The following HOXD12 variants were observed in gnomAD, a reference collection of about 807,000 sequenced individuals.
HOXD12 encodes the protein homeobox D12.
Under a neutral mutation model 20.2 loss-of-function variants are expected in HOXD12, and 21 were observed. The ratio of observed to expected loss-of-function variants is 1.04; its 90% CI spans 0.74 to 1.50. The LOEUF (loss-of-function observed/expected upper bound fraction) is 1.50. Among genes scored for constraint, HOXD12 ranks in the 40% most tolerant of loss-of-function variants. HOXD12 has a pLI of 0.00. For synonymous variants in HOXD12, 196 were observed against 168.8 expected (o/e 1.16, Z -1.25); for missense variants, 472 against 365.5 (o/e 1.29, Z -2.38).
Position 176,100,365 on chromosome 2 carries a change from A to C in HOXD12, c.564A>C (p.Ser188=). ...AAGVASCLRP[S]LPDGLPWGAA... ...GCGTTGCCTCTTGCCTGCGACCTTC[A>C]CTGCCCGACGGTAAACGGTGCCCAT... Residue 188 remains serine, a synonymous_variant, in exon 1 of 2, where the codon TCA becomes TCC. Coordinates refer to ENST00000406506, the MANE Select transcript of HOXD12 (RefSeq NM_021193.4). 6.2e-7 allele frequency: 1 copy of C among 1,612,440 alleles called. No individual in the cohort carries two copies. Among genetic ancestry groups the C allele is most frequent in the African/African-American group, 1.3e-5 (1 of 75,044 alleles).
At position 176,101,549 on chromosome 2, in the gene HOXD12, C is replaced by G. The variant is rs1031200756; in HGVS notation, c.*789C>G. ...CCAGACAAGACTGGCAAACATTGCC[C>G]TACTCCCACCTTCTCAAACATGCCT... is the stretch of plus-strand genomic sequence containing the variant. On this transcript the variant is annotated 3_prime_UTR_variant, in exon 2 of 2. Coordinates refer to ENST00000406506, the MANE Select transcript of HOXD12 (RefSeq NM_021193.4). Among the ~76,000 whole-genome samples the G allele has an allele frequency of 6.6e-6, 1 of 152,156 alleles. No individual in the cohort carries two copies. Among genetic ancestry groups the G allele is most frequent in the Non-Finnish European group, 1.5e-5 (1 of 68,018 alleles).
At position 176,101,083 on chromosome 2, in the gene HOXD12, A is replaced by C; in HGVS notation, c.*323A>C. On this transcript the variant is annotated 3_prime_UTR_variant, in exon 2 of 2. Coordinates refer to ENST00000406506, the MANE Select transcript of HOXD12 (RefSeq NM_021193.4). ...CTCATTCTTGCTCCCCGGTACCTGG[A>C]TTTTTCTGTTTCCACCCAATTCGTT... 2.2e-6 allele frequency: 1 copy of C among 444,722 alleles called. No homozygotes were observed. Among genetic ancestry groups the C allele is most frequent in the Non-Finnish European group, 4.0e-6 (1 of 247,892 alleles). The allele number at this position is 444,722 out of a possible 1,614,324, so 27.5% of individuals were successfully genotyped here. A position where few individuals can be genotyped will look rare whatever the true frequency, so the allele number is the denominator to read the frequency against.
At position 176,100,164 on chromosome 2, in the gene HOXD12, C is replaced by T. The variant is rs775760828; in HGVS notation, c.363C>T (p.Pro121=). 6.2e-7 allele frequency: 1 copy of T among 1,612,072 alleles called. No homozygotes were observed. Among genetic ancestry groups the T allele is most frequent in the Non-Finnish European group, 8.5e-7 (1 of 1,179,740 alleles). ...GTCGTACCCGGCCGTCCTTCGCCCC[C>T]GAGTCTAGCCTGGCTCCTGCAGTGG... The part of the protein sequence containing the change: ...ERGRTRPSFA[P]ESSLAPAVAA... Residue 121 remains proline (P), a synonymous_variant, in exon 1 of 2, where the codon CCC becomes CCT. Transcript: ENST00000406506.
chr2:176,099,821 A>G lies in HOXD12; in HGVS notation c.20A>G (p.Tyr7Cys), dbSNP rs758111112. MCERSL[Y>C]RAGYVGSLLN... is the part of the protein sequence containing the mutation. ...TTGGAGATGTGTGAGCGCAGTCTCTACAGAGCGGGCTATGTGGGCTCGCTT... is the reference window on the plus strand; with the variant it reads ...TTGGAGATGTGTGAGCGCAGTCTCTGCAGAGCGGGCTATGTGGGCTCGCTT... Residue 7 changes from tyrosine to cysteine, a missense_variant, in exon 1 of 2, where the codon TAC becomes TGC. By Grantham distance (194) the Tyr-to-Cys change is radical. Transcript: ENST00000406506. 3.3e-6 allele frequency: 5 copies of G among 1,525,390 alleles called. No homozygotes were observed. In the East Asian group the frequency reaches 9.8e-5, roughly 30 times the overall value. 94.5% of individuals were successfully genotyped at this position (1,525,390 alleles called of 1,614,324 possible). A position where few individuals can be genotyped will look rare whatever the true frequency, so the allele number is the denominator to read the frequency against.
In HOXD12 at chr2:176,100,817, G is replaced by A. The variant is rs527679989; in HGVS notation, c.*57G>A. 2.5e-6 allele frequency: 3 copies of A among 1,177,102 alleles called. No individual in the cohort carries two copies. The East Asian group carries it at 7.3e-5, about 29-fold the overall frequency. The allele number at this position is 1,177,102 out of a possible 1,614,324, so 72.9% of individuals were successfully genotyped here. ...GCCCTTTTGGACAGAGGCCTTGTTTGGGGAGGGGGATCTGGGGCTAAGGCT... is the reference window on the plus strand; with the variant it reads ...GCCCTTTTGGACAGAGGCCTTGTTTAGGGAGGGGGATCTGGGGCTAAGGCT... On this transcript the variant is annotated 3_prime_UTR_variant, in exon 2 of 2. Coordinates refer to ENST00000406506, the MANE Select transcript of HOXD12 (RefSeq NM_021193.4).
Position 176,100,055 on chromosome 2 carries a change from TG to T in HOXD12, c.255del (p.Gln86SerfsTer87). 1.3e-6 allele frequency: 2 copies of T among 1,586,140 alleles called. No homozygotes were observed. Among genetic ancestry groups the T allele is most frequent in the Admixed American group, 1.7e-5 (1 of 57,250 alleles). On this transcript the variant is annotated frameshift_variant, in exon 1 of 2. Transcript: ENST00000406506. LOFTEE classifies it high-confidence loss of function. Reference protein sequence around the residue: ...PYLAGSGPLGLQPPTAKDGPE... With the variant: ...PYLAGSGPLGXQPPTAKDGPE... ...CTGGCTGGCTCCGGGCCTCTCGGCCTGCAGCCCCCAACAGCCAAAGACGGAC... is the reference window on the plus strand; with the variant it reads ...CTGGCTGGCTCCGGGCCTCTCGGCCTCAGCCCCCAACAGCCAAAGACGGAC...
Position 176,102,195 on chromosome 2 carries a change from C to T in HOXD12, c.*1435C>T, listed in dbSNP as rs994779929. On this transcript the variant is annotated 3_prime_UTR_variant, in exon 2 of 2. Coordinates refer to ENST00000406506, the MANE Select transcript of HOXD12 (RefSeq NM_021193.4). ...CTTCTGACATGTAGCACTCCTCCTT[C>T]GCAATTCCTAGCATGATGCACAACA... Among the ~76,000 whole-genome samples, 3 of 152,310 alleles carry T rather than the reference C, an allele frequency of 2.0e-5. 1 individual carries two copies. The highest frequency in any genetic ancestry group is 3.9e-4 in the East Asian group (2 of 5,182).
rs754597040 is a variant in HOXD12, at chr2:176,100,674, G to T, written c.727G>T (p.Asp243Tyr). The change falls in exon 2 of 2, where the codon GAC becomes TAC. Residue 243 changes from aspartate (D) to tyrosine (Y), a missense_variant. Coordinates refer to ENST00000406506, the MANE Select transcript of HOXD12 (RefSeq NM_021193.4). The part of the protein sequence containing the change: ...KELSNRLNLS[D>Y]QQVKIWFQNR... The stretch of plus-strand genomic sequence containing the variant: ...ATTGTCCAATAGGCTGAACCTCAGC[G>T]ACCAGCAAGTCAAAATCTGGTTCCA... 12 of 1,613,862 alleles carry T rather than the reference G, an allele frequency of 7.4e-6. No individual in the cohort carries two copies. The African/African-American group carries it at 1.5e-4, about 20-fold the overall frequency.
In HOXD12 at chr2:176,100,162, C is replaced by G; in HGVS notation, c.361C>G (p.Pro121Ala). 4 of 1,612,184 alleles carry G rather than the reference C, an allele frequency of 2.5e-6. No individual in the cohort carries two copies. Among genetic ancestry groups the G allele is most frequent in the Non-Finnish European group, 3.4e-6 (4 of 1,179,752 alleles). ...ERGRTRPSFAPESSLAPAVAA... is the reference protein window; with the variant it reads ...ERGRTRPSFAAESSLAPAVAA... The stretch of plus-strand genomic sequence containing the variant: ...CGGTCGTACCCGGCCGTCCTTCGCC[C>G]CCGAGTCTAGCCTGGCTCCTGCAGT... Residue 121 changes from proline to alanine, a missense_variant, in exon 1 of 2, where the codon CCC becomes GCC. Coordinates refer to ENST00000406506, the MANE Select transcript of HOXD12 (RefSeq NM_021193.4).
At position 176,100,107 on chromosome 2, in the gene HOXD12, G is replaced by T. The variant is rs934219130; in HGVS notation, c.306G>T (p.Ala102=). 1.9e-6 allele frequency: 3 copies of T among 1,608,062 alleles called. No individual in the cohort carries two copies. Among genetic ancestry groups the T allele is most frequent in the Non-Finnish European group, 2.5e-6 (3 of 1,178,796 alleles). ...CCGAAGAGCAGGCTAAGTTCTATGC[G>T]CCCGAAGCGGCCGCTGGGCCAGAGG... ...DGPEEQAKFY[A]PEAAAGPEER... The change falls in exon 1 of 2, where the codon GCG becomes GCT. Residue 102 remains alanine (A), a synonymous_variant. Transcript: ENST00000406506.
At position 176,099,810 on chromosome 2, in the gene HOXD12, G is replaced by A; in HGVS notation, c.9G>A (p.Glu3=). MC[E]RSLYRAGYVG... is the part of the protein sequence containing the mutation. ...GAAGCCCTTTGTTGGAGATGTGTGAGCGCAGTCTCTACAGAGCGGGCTATG... is the reference window on the plus strand; with the variant it reads ...GAAGCCCTTTGTTGGAGATGTGTGAACGCAGTCTCTACAGAGCGGGCTATG... Residue 3 remains glutamate, a synonymous_variant, in exon 1 of 2, where the codon GAG becomes GAA. Transcript: ENST00000406506. 1 of 1,484,448 alleles carries A rather than the reference G, an allele frequency of 6.7e-7. No individual in the cohort carries two copies. The highest frequency in any genetic ancestry group is 8.9e-7 in the Non-Finnish European group (1 of 1,119,248). The allele number at this position is 1,484,448 out of a possible 1,614,324, so 92.0% of individuals were successfully genotyped here.
rs1689485402 is a variant in HOXD12, at chr2:176,100,843, A to T, written c.*83A>T. On this transcript the variant is annotated 3_prime_UTR_variant, in exon 2 of 2. Coordinates refer to ENST00000406506, the MANE Select transcript of HOXD12 (RefSeq NM_021193.4). ...GGGAGGGGGATCTGGGGCTAAGGCT[A>T]AGGCTTTTCCTTCGGTTCCTTCTCT... 1 of 938,922 alleles carries T rather than the reference A, an allele frequency of 1.1e-6. No homozygotes were observed. Among genetic ancestry groups the T allele is most frequent in the East Asian group, 2.6e-5 (1 of 38,352 alleles). The allele number at this position is 938,922 out of a possible 1,614,324, so 58.2% of individuals were successfully genotyped here.
In HOXD12 at chr2:176,100,124, G is replaced by T. The variant is rs1396044450; in HGVS notation, c.323G>T (p.Gly108Val). Reference sequence around the variant, plus strand: ...TTCTATGCGCCCGAAGCGGCCGCTGGGCCAGAGGAGCGCGGTCGTACCCGG... The same window carrying T: ...TTCTATGCGCCCGAAGCGGCCGCTGTGCCAGAGGAGCGCGGTCGTACCCGG... ...AKFYAPEAAA[G>V]PEERGRTRPS... Residue 108 changes from glycine (G) to valine (V), a missense_variant, in exon 1 of 2, where the codon GGG (glycine) becomes GTG (valine). Physicochemically the swap from Gly to Val is moderately radical, Grantham distance 109. Transcript: ENST00000406506. The T allele has an allele frequency of 1.2e-6, 2 of 1,610,206 alleles. No individual in the cohort carries two copies. The highest frequency in any genetic ancestry group is 1.3e-5 in the African/African-American group (1 of 74,914).
Position 176,101,070 on chromosome 2 carries a change from C to T in HOXD12, c.*310C>T. The stretch of plus-strand genomic sequence containing the variant: ...TTTGCACCCACCGCTCATTCTTGCT[C>T]CCCGGTACCTGGATTTTTCTGTTTC... On this transcript the variant is annotated 3_prime_UTR_variant, in exon 2 of 2. Transcript: ENST00000406506. 2.1e-6 allele frequency: 1 copy of T among 477,558 alleles called. No individual in the cohort carries two copies. The highest frequency in any genetic ancestry group is 3.7e-6 in the Non-Finnish European group (1 of 267,960). 29.6% of individuals were successfully genotyped at this position (477,558 alleles called of 1,614,324 possible).
rs1170899381 is a variant in HOXD12, at chr2:176,100,345, G to T, written c.544G>T (p.Ala182Ser). The change falls in exon 1 of 2, where the codon GCC (alanine) becomes TCC (serine). Residue 182 changes from alanine to serine, a missense_variant. Coordinates refer to ENST00000406506, the MANE Select transcript of HOXD12 (RefSeq NM_021193.4). The stretch of plus-strand genomic sequence containing the variant: ...CATGACAGTGCAGGCGGCGGGCGTT[G>T]CCTCTTGCCTGCGACCTTCACTGCC... ...LNMTVQAAGVASCLRPSLPDG... is the reference protein window; with the variant it reads ...LNMTVQAAGVSSCLRPSLPDG... 2 of 1,612,598 alleles carry T rather than the reference G, an allele frequency of 1.2e-6. No individual in the cohort carries two copies. Among genetic ancestry groups the T allele is most frequent in the Admixed American group, 3.3e-5 (2 of 60,014 alleles).
Position 176,100,331 on chromosome 2 carries a change from AGGCGGCG to A in HOXD12, c.535_541del (p.Ala179LeufsTer59). ...CCGCTCAACTTGAACATGACAGTGC[AGGCGGCG>A]GGCGTTGCCTCTTGCCTGCGACCTT... On this transcript the variant is annotated frameshift_variant, in exon 1 of 2. Coordinates refer to ENST00000406506, the MANE Select transcript of HOXD12 (RefSeq NM_021193.4). LOFTEE classifies it high-confidence loss of function. The A allele has an allele frequency of 6.2e-7, 1 of 1,612,696 alleles. No individual in the cohort carries two copies. Among genetic ancestry groups the A allele is most frequent in the East Asian group, 2.2e-5 (1 of 44,862 alleles).
Position 176,100,638 on chromosome 2 carries a change from A to C in HOXD12, c.691A>C (p.Lys231Gln). 6.2e-7 allele frequency: 1 copy of C among 1,613,840 alleles called. No homozygotes were observed. Among genetic ancestry groups the C allele is most frequent in the Non-Finnish European group, 8.5e-7 (1 of 1,179,802 alleles). ...FLVNEFINRQ[K>Q]RKELSNRLNL... The stretch of plus-strand genomic sequence containing the variant: ...CGTCAACGAATTCATCAACAGGCAG[A>C]AACGCAAGGAATTGTCCAATAGGCT... Residue 231 changes from lysine to glutamine, a missense_variant, in exon 2 of 2, where the codon AAA becomes CAA. Lys to Gln is a moderately conservative substitution (Grantham distance 53, BLOSUM62 1). Coordinates refer to ENST00000406506, the MANE Select transcript of HOXD12 (RefSeq NM_021193.4).
rs757796640 is a variant in HOXD12 at position 176,099,863 on chromosome 2, C to T, written c.62C>T (p.Pro21Leu). Reference sequence around the variant, plus strand: ...GGCTCGCTTCTGAATCTGCAGTCGCCAGACTCTTTCTACTTCTCCAACCTG... The same window carrying T: ...GGCTCGCTTCTGAATCTGCAGTCGCTAGACTCTTTCTACTTCTCCAACCTG... ...YVGSLLNLQS[P>L]DSFYFSNLRP... Residue 21 changes from proline to leucine, a missense_variant, in exon 1 of 2, where the codon CCA becomes CTA. Transcript: ENST00000406506. 4 of 1,583,192 alleles carry T rather than the reference C, an allele frequency of 2.5e-6. No individual in the cohort carries two copies. Among genetic ancestry groups the T allele is most frequent in the South Asian group, 1.2e-5 (1 of 86,768 alleles).
Position 176,100,094 on chromosome 2 carries a change from C to A in HOXD12, c.293C>A (p.Ala98Asp), listed in dbSNP as rs1431253337. The A allele has an allele frequency of 6.2e-7, 1 of 1,605,706 alleles. No individual in the cohort carries two copies. Among genetic ancestry groups the A allele is most frequent in the East Asian group, 2.2e-5 (1 of 44,700 alleles). Residue 98 changes from alanine to aspartate, a missense_variant, in exon 1 of 2, where the codon GCT (alanine) becomes GAT (aspartate). Transcript: ENST00000406506. The stretch of plus-strand genomic sequence containing the variant: ...GCCAAAGACGGACCCGAAGAGCAGG[C>A]TAAGTTCTATGCGCCCGAAGCGGCC... ...PTAKDGPEEQ[A>D]KFYAPEAAAG...
Sources: allele counts gnomAD v4.1 joint callset (sites outside exome capture counted in the v4.1 genomes callset), GRCh38; gene constraint gnomAD v4.1.1; transcripts MANE v1.5; gene names NCBI Gene and HGNC (gene_info 2026-07-23, HGNC 2026-07-21).